TARBP1: variants seen among roughly 807,000 people sequenced by gnomAD.
The protein encoded by TARBP1 is tRNA guanosine 2 -O-methyltransferase TARBP1.
TARBP1 carries 144 observed loss-of-function variants against 178.6 expected under a neutral mutation model. The observed-to-expected ratio is 0.81, with a 90% CI of 0.70 to 0.93. The LOEUF (loss-of-function observed/expected upper bound fraction) is 0.93. TARBP1 is among the 40% of genes least tolerant of loss of function. The pLI is 0.00. For missense variants in TARBP1, 2,067 were observed against 2,011.7 expected (o/e 1.03, Z -0.53); for synonymous variants, 787 against 781.0 (o/e 1.01, Z -0.13).
At chr1:234,404,420 A>G (rs1414944876) in intron 24 of TARBP1, among the ~76,000 whole-genome samples, 1 of 152,252 alleles carries the variant, frequency 6.6e-6, no homozygotes, top group Non-Finnish European at 1.5e-5. Context: ...AGTTTGGATT[A>G]CTGCATGATA....
At chr1:234,439,246 C>A (rs2146311) in intron 12 of TARBP1, among the ~76,000 whole-genome samples, 35,750 of 152,060 alleles carry the variant, frequency 0.24, 4,974 homozygotes, top group East Asian at 0.41. Context: ...CTCTTGAGTT[C>A]TTTAAAATTT....
chr1:234,447,904 G>A (rs2103211302), intron 11 of TARBP1, among the ~76,000 whole-genome samples: 1 of 152,180 alleles, frequency 6.6e-6, no homozygotes, highest in Non-Finnish European at 1.5e-5. Context: ...TATAAAACCA[G>A]TGACTATTGT....
intron 12 of TARBP1, among the ~76,000 whole-genome samples, chr1:234,442,910 C>T (rs534998039): frequency 6.6e-6 from 1 of 152,300 alleles, no homozygotes; most frequent in East Asian, 1.9e-4. Context: ...ACCCTCAAGG[C>T]ACATTCCCTG....
intron 12 of TARBP1, among the ~76,000 whole-genome samples, chr1:234,446,342 C>A (rs192491854): frequency 5.3e-5 from 8 of 152,176 alleles, no homozygotes; most frequent in Non-Finnish European, 7.4e-5. Flanking sequence ...AAAAGGTACT[C>A]GGAGATGAAC....
In TARBP1 at chr1:234,471,269, A is replaced by C. The variant is rs1669029209; in HGVS notation, c.1030-12T>G. ...TTTATAACATGTATCTAAAAATAAG[A>C]GCAAAAAAATCATATGAAATGAAAA... is the stretch of plus-strand genomic sequence containing the variant. On this transcript the variant is annotated splice_polypyrimidine_tract_variant and intron_variant, in intron 2 of 29. Coordinates refer to ENST00000040877, the MANE Select transcript of TARBP1 (RefSeq NM_005646.4). The C allele has an allele frequency of 6.5e-7, 1 of 1,542,998 alleles. No individual in the cohort carries two copies. The highest frequency in any genetic ancestry group is 8.8e-7 in the Non-Finnish European group (1 of 1,135,742).
chr1:234,462,361 G>A (rs1287718601), intron 6 of TARBP1, among the ~76,000 whole-genome samples: 1 of 152,152 alleles, frequency 6.6e-6, no homozygotes, highest in Admixed American at 6.5e-5. Context: ...CTGCAGCCCA[G>A]ATGCTTAATT....
chr1:234,423,178 G>A (rs1663306922), intron 20 of TARBP1, among the ~76,000 whole-genome samples: 1 of 152,180 alleles, frequency 6.6e-6, no homozygotes, highest in Admixed American at 6.5e-5. Flanking sequence ...GCACTGTTCT[G>A]TATTCCCATT....
intron 22 of TARBP1, among the ~76,000 whole-genome samples, chr1:234,416,418 T>A (rs1238133724): frequency 6.6e-6 from 1 of 152,142 alleles, no homozygotes; most frequent in East Asian, 1.9e-4. Flanking sequence ...TGCCTCAGCC[T>A]CCCAAGTAGC....
At chr1:234,455,277 A>G (rs1243728056) in intron 9 of TARBP1, among the ~76,000 whole-genome samples, 1 of 152,212 alleles carries the variant, frequency 6.6e-6, no homozygotes, top group African/African-American at 2.4e-5. Flanking sequence ...AATCCCCAGA[A>G]AGATTACACA....
chr1:234,468,854 T>C (rs1668731769), intron 3 of TARBP1, among the ~76,000 whole-genome samples: 1 of 151,854 alleles, frequency 6.6e-6, no homozygotes, highest in Admixed American at 6.6e-5. Flanking sequence ...TTAGCTTAGA[T>C]GTCATCATAA....
intron 1 of TARBP1, among the ~76,000 whole-genome samples, chr1:234,475,093 A>G (rs555581830): frequency 4.7e-4 from 71 of 152,362 alleles, no homozygotes; most frequent in African/African-American, 1.6e-3. Context: ...GGGAGTCCAC[A>G]TCCATTCACC....
At chr1:234,405,871 T>TGAGGGCGATGAGGTTGAC (rs1661182875) in intron 24 of TARBP1, 32 bp downstream of exon 24, 2 of 1,590,684 alleles carry the variant, frequency 1.3e-6, no homozygotes, top group African/African-American at 1.3e-5. Flanking sequence ...TGGAGGAGAG[T>TGAGGGCGATGAGGTTGAC]GAGGGCGATG....
chr1:234,412,275 A>G (rs1376394742), intron 22 of TARBP1, among the ~76,000 whole-genome samples: 1 of 152,154 alleles, frequency 6.6e-6, no homozygotes, highest in Non-Finnish European at 1.5e-5. Flanking sequence ...TACAAAAATT[A>G]GCTGGGCATG....
At position 234,433,789 on chromosome 1, in the gene TARBP1, T is replaced by C. The variant is rs538570294; in HGVS notation, c.2233-218A>G. On this transcript the variant is annotated intron_variant, in intron 13 of 29. Coordinates refer to ENST00000040877, the MANE Select transcript of TARBP1 (RefSeq NM_005646.4). ...AGTGACTGTGCATTCAGCACAATTA[T>C]GGTGCATTTCACAGTTGAGTCATCT... Among the ~76,000 whole-genome samples, 30 of 152,352 alleles carry C rather than the reference T, an allele frequency of 2.0e-4. No individual in the cohort carries two copies. The East Asian group carries it at 5.8e-3, about 29-fold the overall frequency.
chr1:234,427,981 T>G (rs1160606406), intron 17 of TARBP1, among the ~76,000 whole-genome samples: 1 of 152,212 alleles, frequency 6.6e-6, no homozygotes, highest in African/African-American at 2.4e-5. Context: ...GATAGTGATA[T>G]TCATCCAGGA....
In TARBP1 at chr1:234,427,669, T is replaced by A. The variant is rs1663936105; in HGVS notation, c.3158A>T (p.Asn1053Ile). The A allele has an allele frequency of 6.3e-7, 1 of 1,584,796 alleles. No individual in the cohort carries two copies. Among genetic ancestry groups the A allele is most frequent in the Non-Finnish European group, 8.5e-7 (1 of 1,171,094 alleles). The change falls in exon 18 of 30, where the codon AAT becomes ATT. Residue 1053 changes from asparagine (N) to isoleucine (I), a missense_variant. Transcript: ENST00000040877. ...ACTTGATAAAGATCCTTGGGACACA[T>A]TTGAAGCAGACACTATCCAAGACTG... ...CCQSWIVSAS[N>I]VSQGSLSSAK...
At chr1:234,410,391 A>G in intron 23 of TARBP1, 54 bp downstream of exon 23, 1 of 1,130,330 alleles carries the variant, frequency 8.8e-7, no homozygotes, top group Non-Finnish European at 1.3e-6. Context: ...ATTGGTACAA[A>G]TACATACAAT....
Position 234,427,133 on chromosome 1 carries a change from A to G in TARBP1, c.3323+184T>C, listed in dbSNP as rs138780237. 1.1e-4 allele frequency among the ~76,000 whole-genome samples: 16 copies of G among 152,344 alleles called. No homozygotes were observed. In the East Asian group the frequency reaches 2.9e-3, roughly 28 times the overall value. On this transcript the variant is annotated intron_variant, in intron 19 of 29. Coordinates refer to ENST00000040877, the MANE Select transcript of TARBP1 (RefSeq NM_005646.4). ...TTTATCAAATTCTAGTGAATACTGA[A>G]AGATGTAAAGACAATGTATTAGCAA... is the stretch of plus-strand genomic sequence containing the variant.
intron 14 of TARBP1, among the ~76,000 whole-genome samples, chr1:234,432,837 C>G (rs1024923462): frequency 1.3e-5 from 2 of 152,148 alleles, no homozygotes; most frequent in Non-Finnish European, 2.9e-5. Context: ...GGAAGCCAAG[C>G]ATGGAGGGCA....
Sources: gnomAD v4.1 joint callset for allele counts (sites outside exome capture counted in the v4.1 genomes callset) on GRCh38, gnomAD v4.1.1 for gene constraint, MANE v1.5 for transcripts, NCBI Gene and HGNC (gene_info 2026-07-23, HGNC 2026-07-21) for gene names.